ZNF730: variants seen among roughly 807,000 people sequenced by gnomAD.
ZNF730 encodes putative zinc finger protein 730.
ZNF730 carries 12 observed loss-of-function variants against 12.6 expected under a neutral mutation model. That is an observed-to-expected ratio of 0.95 (90% CI 0.61 to 1.54). ZNF730 has a LOEUF of 1.54. Among genes scored for constraint, ZNF730 ranks in the 40% most tolerant of loss-of-function variants. The pLI, the probability that ZNF730 is intolerant of heterozygous loss-of-function variation, is 0.00. For missense variants in ZNF730, 643 were observed against 583.5 expected, an observed-to-expected ratio of 1.10 and a Z score of -1.05; for synonymous variants, 194 against 195.8, an observed-to-expected ratio of 0.99 and a Z score of 0.08.
rs545097537 is a variant in ZNF730 at position 23,103,244 on chromosome 19, A to G, written c.-94+27857A>G. 2.6e-4 allele frequency among the ~76,000 whole-genome samples: 39 copies of G among 152,380 alleles called. 1 individual carries two copies. The highest frequency in any genetic ancestry group is 9.4e-4 in the African/African-American group (39 of 41,590). ...GTTTTGAATTAGACAAAATAGAGCT[A>G]AAAGTTCAAACAAATGGTGGAAGGA... On this transcript the variant is annotated intron_variant, in intron 1 of 2. Coordinates refer to the ZNF730 transcript ENST00000593635.
At chr19:23,105,108 TTTTTC>T (rs1399901378) in intron 1 of ZNF730, among the ~76,000 whole-genome samples, 13 of 102,074 alleles carry the variant, frequency 1.3e-4, no homozygotes, top group Non-Finnish European at 2.5e-4. Flanking sequence ...CTGTTATGAT[TTTTTC>T]TTTTCTTTTT....
chr19:23,131,126 G>A (rs182757309), intron 1 of ZNF730, among the ~76,000 whole-genome samples: 48 of 152,024 alleles, frequency 3.2e-4, no homozygotes, highest in African/African-American at 1.1e-3. Context: ...AGATCTACTC[G>A]TTGCTCCCCA....
In ZNF730 at chr19:23,118,474, C is replaced by T. The variant is rs547381637; in HGVS notation, c.3+1298C>T. Among the ~76,000 whole-genome samples, 6 of 151,536 alleles carry T rather than the reference C, an allele frequency of 4.0e-5. No individual in the cohort carries two copies. The East Asian group carries it at 1.2e-3, about 29-fold the overall frequency. ...TACTGGCTGTGAATAAACCAGGGTACACACCATGGCTATGTCTGCTAGAGT... is the reference window on the plus strand; with the variant it reads ...TACTGGCTGTGAATAAACCAGGGTATACACCATGGCTATGTCTGCTAGAGT... On this transcript the variant is annotated intron_variant, in intron 1 of 3. Transcript: ENST00000597761.
chr19:23,127,763 G>C, intron 1 of ZNF730: 1 of 909,092 alleles, frequency 1.1e-6, no homozygotes, highest in South Asian at 1.3e-5. Flanking sequence ...TTCCTGAGAG[G>C]AAGTTAGGGC....
chr19:23,100,053 A>T (rs1970311629), intron 1 of ZNF730: 1 of 152,172 alleles, frequency 6.6e-6, no homozygotes, highest in Admixed American at 6.5e-5. Flanking sequence ...CACTTAGGCT[A>T]TTGTGACATA....
chr19:23,140,131 TTA>T (rs1970893545), intron 3 of ZNF730, among the ~76,000 whole-genome samples: 1 of 152,104 alleles, frequency 6.6e-6, no homozygotes, highest in Admixed American at 6.6e-5. Context: ...ATGGCACATC[TTA>T]TATATTTTTT....
chr19:23,127,253 CTTTT>C, intron 1 of ZNF730: 1 of 655,822 alleles, frequency 1.5e-6, no homozygotes, highest in East Asian at 2.9e-5. Context: ...TCAAGTTTCT[CTTTT>C]TATTTTTCCT....
At chr19:23,109,374 A>T (rs1466249265) in intron 1 of ZNF730, among the ~76,000 whole-genome samples, 1 of 150,374 alleles carries the variant, frequency 6.7e-6, no homozygotes, top group African/African-American at 2.5e-5. Context: ...GACTACAGGC[A>T]CACACCACCA....
chr19:23,122,198 A>G lies in ZNF730; in HGVS notation c.3+5022A>G, dbSNP rs148934491. On this transcript the variant is annotated intron_variant, in intron 1 of 3. Coordinates refer to ENST00000597761, the MANE Select transcript of ZNF730 (RefSeq NM_001277403.2). ...CTCTTGTCGCCCAGGCTGGAATACA[A>G]TGGCACGATCTTGGCTCCTTGCAAC... Among the ~76,000 whole-genome samples the G allele has an allele frequency of 3.0e-3, 376 of 127,098 alleles. 2 individuals are homozygous for G. Among genetic ancestry groups the G allele is most frequent in the African/African-American group, 0.011 (363 of 33,180 alleles). The allele number at this position is 127,098 out of a possible 152,430, so 83.4% of individuals were successfully genotyped here.
At chr19:23,139,858 A>G (rs750297117) in intron 3 of ZNF730, among the ~76,000 whole-genome samples, 1 of 152,158 alleles carries the variant, frequency 6.6e-6, no homozygotes, top group Non-Finnish European at 1.5e-5. Context: ...TCAACGTTGC[A>G]TACCAGATTT....
upstream of ZNF730, among the ~76,000 whole-genome samples, chr19:23,114,912 G>A (rs750221374): frequency 1.3e-5 from 2 of 152,034 alleles, no homozygotes; most frequent in Non-Finnish European, 2.9e-5. Context: ...TAGTCACAGA[G>A]TACCTCGGAC....
At chr19:23,090,423 T>G (rs1970137768) in intron 1 of ZNF730, among the ~76,000 whole-genome samples, 1 of 152,090 alleles carries the variant, frequency 6.6e-6, no homozygotes, top group South Asian at 2.1e-4. Context: ...TGGAAGAAAT[T>G]TCTAAGCAGA....
chr19:23,105,118 C>CTTT (rs1007819236), intron 1 of ZNF730, among the ~76,000 whole-genome samples: 74 of 87,726 alleles, frequency 8.4e-4, no homozygotes, highest in African/African-American at 2.3e-3. Context: ...TTTTTCTTTT[C>CTTT]TTTTTTTTTT....
chr19:23,093,865 G>A (rs1027545043), intron 1 of ZNF730, among the ~76,000 whole-genome samples: 4 of 152,184 alleles, frequency 2.6e-5, no homozygotes, highest in Admixed American at 1.3e-4. Flanking sequence ...GGCCACGAGC[G>A]CCTCCCTTGG....
intron 1 of ZNF730, among the ~76,000 whole-genome samples, chr19:23,104,714 T>A (rs1442049120): frequency 6.6e-6 from 1 of 152,202 alleles, no homozygotes; most frequent in Non-Finnish European, 1.5e-5. Context: ...AGGCTTTGAC[T>A]GAAAGGGTAT....
At chr19:23,143,100 C>T (rs979719321) in intron 3 of ZNF730, among the ~76,000 whole-genome samples, 35 of 152,050 alleles carry the variant, frequency 2.3e-4, no homozygotes, top group African/African-American at 3.4e-4. Context: ...AAAAATTAGC[C>T]GGGCGTGGTG....
intron 1 of ZNF730, among the ~76,000 whole-genome samples, chr19:23,109,538 A>G (rs886091331): frequency 6.4e-4 from 97 of 151,780 alleles, no homozygotes; most frequent in African/African-American, 2.3e-3. Flanking sequence ...CCTCCCGAGT[A>G]GCTGGGATTA....
In ZNF730 at chr19:23,146,516, G is replaced by A. The variant is rs764511814; in HGVS notation, c.1472G>A (p.Arg491Gln). ...KCKECGKAFRRFSHLTRHKTI... is the reference protein window; with the variant it reads ...KCKECGKAFRQFSHLTRHKTI... ...AAAGAATGTGGTAAAGCCTTTAGGC[G>A]GTTCTCACACCTTACTAGGCATAAG... The change falls in exon 4 of 4, where the codon CGG (arginine) becomes CAG (glutamine). Residue 491 changes from arginine to glutamine, a missense_variant. Transcript: ENST00000597761. 1.4e-5 allele frequency: 22 copies of A among 1,586,562 alleles called. No individual in the cohort carries two copies. The highest frequency in any genetic ancestry group is 1.7e-4 in the Middle Eastern group (1 of 5,968).
chr19:23,132,653 A>G (rs1293107451), intron 1 of ZNF730, among the ~76,000 whole-genome samples: 1 of 152,190 alleles, frequency 6.6e-6, no homozygotes, highest in African/African-American at 2.4e-5. Context: ...TATTGGGGAA[A>G]CGCCAGGGTT....
Sources: gnomAD v4.1 joint callset for allele counts (sites outside exome capture counted in the v4.1 genomes callset) on GRCh38, gnomAD v4.1.1 for gene constraint, MANE v1.5 for transcripts, NCBI Gene and HGNC (gene_info 2026-07-23, HGNC 2026-07-21) for gene names.